The following SLC39A11 variants were observed in gnomAD, a reference collection of about 807,000 sequenced individuals.
The protein encoded by SLC39A11 is solute carrier family 39 member 11, also known as zinc transporter ZIP11.
A neutral mutation model predicts 36.1 loss-of-function variants in SLC39A11; 33 were observed. That is an observed-to-expected ratio of 0.91 (90% CI 0.69 to 1.22). The LOEUF (loss-of-function observed/expected upper bound fraction) is 1.22. Ranked by LOEUF, SLC39A11 falls within the 50% of genes most tolerant of loss-of-function variation. The pLI is 0.00. For synonymous variants in SLC39A11, 166 were observed against 170.3 expected (o/e 0.97, Z 0.20); for missense variants, 432 against 430.3 (o/e 1.00, Z -0.03).
At chr17:72,963,449 C>T (rs948562184) in intron 4 of SLC39A11, among the ~76,000 whole-genome samples, 1 of 152,072 alleles carries the variant, frequency 6.6e-6, no homozygotes, top group Non-Finnish European at 1.5e-5. Flanking sequence ...GGATTACAGG[C>T]GTGAGCCACC....
At chr17:72,997,866 C>T (rs1004436329) in intron 4 of SLC39A11, among the ~76,000 whole-genome samples, 6 of 152,110 alleles carry the variant, frequency 3.9e-5, no homozygotes, top group African/African-American at 9.7e-5. Context: ...TACTCAGTAA[C>T]GGCCCCAAGC....
At chr17:73,088,308 A>C (rs1263532095) in intron 2 of SLC39A11, among the ~76,000 whole-genome samples, 1 of 151,816 alleles carries the variant, frequency 6.6e-6, no homozygotes, top group Non-Finnish European at 1.5e-5. Flanking sequence ...AAAAAAAGAA[A>C]AAAGAAAAAA....
At chr17:72,977,902 ACTG>A (rs1435279903) in intron 4 of SLC39A11, among the ~76,000 whole-genome samples, 1 of 152,222 alleles carries the variant, frequency 6.6e-6, no homozygotes, top group Non-Finnish European at 1.5e-5. Flanking sequence ...CAGGAGACCG[ACTG>A]CATCGGCACC....
chr17:73,089,216 G>A (rs1049013315), intron 1 of SLC39A11, among the ~76,000 whole-genome samples: 1 of 152,030 alleles, frequency 6.6e-6, no homozygotes, highest in African/African-American at 2.4e-5. Flanking sequence ...ATGTCAACAC[G>A]CTTCCAATCT....
In SLC39A11 at chr17:72,648,837, C is replaced by G. The variant is rs2069707316; in HGVS notation, c.895G>C (p.Val299Leu). 6.2e-7 allele frequency: 1 copy of G among 1,614,076 alleles called. No homozygotes were observed. The highest frequency in any genetic ancestry group is 8.5e-7 in the Non-Finnish European group (1 of 1,180,044). Residue 299 changes from valine to leucine, a missense_variant, in exon 9 of 10, where the codon GTC becomes CTC. Val to Leu is a conservative substitution (Grantham distance 32). Coordinates refer to ENST00000255559, the MANE Select transcript of SLC39A11 (RefSeq NM_139177.4). The stretch of plus-strand genomic sequence containing the variant: ...GCTTCGGGGATGATGTCGTCCATGA[C>G]CACGTAGACCATGGCACCGGCAGCA... ...AFAAGAMVYV[V>L]MDDIIPEAQI...
At chr17:72,880,135 T>C (rs1213980373) in intron 5 of SLC39A11, among the ~76,000 whole-genome samples, 2 of 152,182 alleles carry the variant, frequency 1.3e-5, no homozygotes, top group Non-Finnish European at 2.9e-5. Flanking sequence ...TTTAAGAGCA[T>C]CCTAAGAGCT....
chr17:72,764,124 T>A (rs946348260), intron 6 of SLC39A11, among the ~76,000 whole-genome samples: 1 of 152,168 alleles, frequency 6.6e-6, no homozygotes, highest in Non-Finnish European at 1.5e-5. Context: ...CCAGGGTCAC[T>A]AACCACAGGC....
intron 7 of SLC39A11, among the ~76,000 whole-genome samples, chr17:72,682,373 G>A (rs2071546690): frequency 6.9e-6 from 1 of 145,182 alleles, no homozygotes; most frequent in Admixed American, 7.4e-5. Flanking sequence ...GAGACTGCTG[G>A]TATATAATAC....
intron 4 of SLC39A11, among the ~76,000 whole-genome samples, chr17:72,996,115 T>C (rs184429284): frequency 1.1e-4 from 17 of 152,216 alleles, no homozygotes; most frequent in Admixed American, 2.0e-4. Flanking sequence ...AATCTGAAGA[T>C]GTCACTCCCT....
At chr17:72,737,060 G>A (rs1450464157) in intron 6 of SLC39A11, among the ~76,000 whole-genome samples, 2 of 141,504 alleles carry the variant, frequency 1.4e-5, no homozygotes, top group Non-Finnish European at 3.2e-5. Flanking sequence ...CAGATCACCT[G>A]AGGTCAGGAG....
rs3064732 is a variant in SLC39A11, at chr17:72,939,458, G to GAAA, written c.430+8291_430+8293dup. On this transcript the variant is annotated intron_variant, in intron 5 of 9. Transcript: ENST00000255559. ...TGGTGACAGAGTAAGGTTCCGTCTCGAAAAAAAAAAAAGAATATGACCTTA... is the reference window on the plus strand; with the variant it reads ...TGGTGACAGAGTAAGGTTCCGTCTCGAAAAAAAAAAAAAAAGAATATGACCTTA... 3.0e-3 allele frequency among the ~76,000 whole-genome samples: 437 copies of GAAA among 145,232 alleles called. 4 individuals are homozygous for GAAA. Among genetic ancestry groups the GAAA allele is most frequent in the African/African-American group, 6.0e-3 (237 of 39,176 alleles).
Position 72,773,680 on chromosome 17 carries a change from C to CAT in SLC39A11, c.602-36962_602-36961insAT, listed in dbSNP as rs879349280. On this transcript the variant is annotated intron_variant, in intron 6 of 9. Transcript: ENST00000255559. ...ACACACACACACACACACACACACC[C>CAT]AGTATATAAAGGATATCAGTGTCAT... Among the ~76,000 whole-genome samples, 993 of 150,140 alleles carry CAT rather than the reference C, an allele frequency of 6.6e-3. 25 individuals are homozygous for CAT. The highest frequency in any genetic ancestry group is 0.024 in the African/African-American group (958 of 40,636).
At chr17:72,906,384 G>C (rs1286638115) in intron 5 of SLC39A11, among the ~76,000 whole-genome samples, 1 of 152,270 alleles carries the variant, frequency 6.6e-6, no homozygotes, top group East Asian at 1.9e-4. Context: ...AAGGACACCT[G>C]TGCCTTTGCA....
chr17:72,939,149 A>C (rs1217100182), intron 5 of SLC39A11, among the ~76,000 whole-genome samples: 1 of 152,200 alleles, frequency 6.6e-6, no homozygotes, highest in East Asian at 1.9e-4. Context: ...ATTCATGTCT[A>C]GCCAGAACCT....
chr17:72,892,648 T>C (rs4426407), intron 5 of SLC39A11, among the ~76,000 whole-genome samples: 54,444 of 152,056 alleles, frequency 0.36, 10,161 homozygotes, highest in East Asian at 0.69. Context: ...CAAAATTGAA[T>C]CTCTTGGTTC....
intron 5 of SLC39A11, among the ~76,000 whole-genome samples, chr17:72,927,160 C>T (rs1036353504): frequency 1.3e-5 from 2 of 152,162 alleles, no homozygotes; most frequent in Non-Finnish European, 2.9e-5. Context: ...AGTTCTCCTG[C>T]CTCAGCCTCC....
chr17:73,075,227 G>A (rs180966007), intron 3 of SLC39A11, among the ~76,000 whole-genome samples: 143 of 152,288 alleles, frequency 9.4e-4, no homozygotes, highest in Non-Finnish European at 1.6e-3. Context: ...TTGCCAACCT[G>A]TGCTGCAACT....
At chr17:72,766,346 T>C (rs1023824390) in intron 6 of SLC39A11, among the ~76,000 whole-genome samples, 13 of 152,318 alleles carry the variant, frequency 8.5e-5, no homozygotes, top group Middle Eastern at 3.4e-3. Flanking sequence ...AGAAGAAGAA[T>C]TGCTGGGTCA....
At chr17:72,863,176 GCTAA>G (rs546035122) in intron 5 of SLC39A11, among the ~76,000 whole-genome samples, 19 of 152,138 alleles carry the variant, frequency 1.2e-4, no homozygotes, top group Non-Finnish European at 2.2e-4. Context: ...CGGACCTCTT[GCTAA>G]CTGTTTAGTG....
Sources: allele counts gnomAD v4.1 joint callset (sites outside exome capture counted in the v4.1 genomes callset), GRCh38; gene constraint gnomAD v4.1.1; transcripts MANE v1.5; gene names NCBI Gene and HGNC (gene_info 2026-07-23, HGNC 2026-07-21).